Variants in TRERF1 observed in about 807,000 individuals in gnomAD.
The protein encoded by TRERF1 is transcriptional regulating factor 1, also known as transcriptional-regulating factor 1.
TRERF1 carries 27 observed loss-of-function variants against 122.9 expected under a neutral mutation model. That is an observed-to-expected ratio of 0.22 (90% confidence interval 0.16 to 0.30). The LOEUF (loss-of-function observed/expected upper bound fraction) is 0.30. TRERF1 is among the 10% of genes least tolerant of loss of function. TRERF1 has a pLI of 1.00. For synonymous variants in TRERF1, 636 were observed against 641.7 expected, an observed-to-expected ratio of 0.99 and a Z score of 0.13; for missense variants, 1,248 against 1,560.3, an observed-to-expected ratio of 0.80 and a Z score of 3.37.
At chr6:42,233,377 C>T (rs1417461109) in intron 16 of TRERF1, among the ~76,000 whole-genome samples, 1 of 151,444 alleles carries the variant, frequency 6.6e-6, no homozygotes, top group Non-Finnish European at 1.5e-5. Flanking sequence ...GCTCCGCCTC[C>T]CAGGTTCACA....
intron 2 of TRERF1, among the ~76,000 whole-genome samples, chr6:42,429,722 G>A (rs776577667): frequency 2.0e-5 from 3 of 152,140 alleles, no homozygotes; most frequent in Admixed American, 6.5e-5. Flanking sequence ...GCACTCTTCC[G>A]AGGGCTTCGG....
chr6:42,278,454 T>C (rs567089959), intron 4 of TRERF1, among the ~76,000 whole-genome samples: 1 of 152,268 alleles, frequency 6.6e-6, no homozygotes, highest in East Asian at 1.9e-4. Flanking sequence ...CAGCCTATGG[T>C]TCCAAGGAGA....
At chr6:42,307,846 C>T (rs1320372082) in intron 3 of TRERF1, among the ~76,000 whole-genome samples, 1 of 152,250 alleles carries the variant, frequency 6.6e-6, no homozygotes, top group African/African-American at 2.4e-5. Context: ...GAAAGAGGAG[C>T]TCTCATCAAA....
rs1491517636 is a variant in TRERF1 at position 42,360,770 on chromosome 6, T to TAAAAAAAAAA, written c.-371+2226_-371+2227insTTTTTTTTTT. 5.5e-4 allele frequency among the ~76,000 whole-genome samples: 35 copies of TAAAAAAAAAA among 64,098 alleles called. 1 individual carries two copies. Among genetic ancestry groups the TAAAAAAAAAA allele is most frequent in the African/African-American group, 1.5e-3 (32 of 21,632 alleles). The allele number at this position is 64,098 out of a possible 152,430, so 42.1% of individuals were successfully genotyped here. A position where few individuals can be genotyped will look rare whatever the true frequency, so the allele number is the denominator to read the frequency against. On this transcript the variant is annotated intron_variant, in intron 3 of 17. Coordinates refer to ENST00000372922, the Ensembl canonical transcript of TRERF1. ...ACCCAGGGAGGAAGGAGTGGAGAGA[T>TAAAAAAAAAA]TAAAAAAAAAAAAAAAAAAAAAAAA...
chr6:42,257,682 C>T (rs1025393649), intron 10 of TRERF1, among the ~76,000 whole-genome samples: 1 of 152,190 alleles, frequency 6.6e-6, no homozygotes, highest in Non-Finnish European at 1.5e-5. Context: ...CTTTTCTGTG[C>T]CTATCCATGA....
At chr6:42,283,863 G>T (rs1363746771) in intron 4 of TRERF1, among the ~76,000 whole-genome samples, 1 of 151,966 alleles carries the variant, frequency 6.6e-6, no homozygotes, top group African/African-American at 2.4e-5. Context: ...CAATCTGCCC[G>T]CCTCGACCTC....
intron 10 of TRERF1, 36 bp from the exon 11 acceptor site, chr6:42,257,138 T>C (rs1317514299): frequency 1.9e-6 from 3 of 1,610,810 alleles, no homozygotes; most frequent in Admixed American, 1.7e-5. Context: ...CAATGTGGTC[T>C]TCAATTTGAT....
rs1453506987 is a variant in TRERF1 at position 42,256,847 on chromosome 6, A to C, written c.2477-16T>G. The C allele has an allele frequency of 6.2e-7, 1 of 1,613,742 alleles. No individual in the cohort carries two copies. Among genetic ancestry groups the C allele is most frequent in the Non-Finnish European group, 8.5e-7 (1 of 1,179,702 alleles). ...AGATTCTCCACTGTTGGGAATAAGG[A>C]GAAGCCAATGCATCAGAGAGAGCTG... is the stretch of plus-strand genomic sequence containing the variant. On this transcript the variant is annotated splice_polypyrimidine_tract_variant and intron_variant, in intron 11 of 17. Coordinates refer to ENST00000372922, the Ensembl canonical transcript of TRERF1.
At chr6:42,291,907 G>C (rs1356695890) in intron 4 of TRERF1, among the ~76,000 whole-genome samples, 2 of 152,092 alleles carry the variant, frequency 1.3e-5, no homozygotes, top group Non-Finnish European at 2.9e-5. Flanking sequence ...TGGATTAGAT[G>C]ACAAATATTT....
intron 4 of TRERF1, among the ~76,000 whole-genome samples, chr6:42,281,601 C>T (rs1782312551): frequency 6.6e-6 from 1 of 152,176 alleles, no homozygotes; most frequent in Non-Finnish European, 1.5e-5. Flanking sequence ...AGTGAAGGAG[C>T]CAATCCCCTT....
rs1274970037 is a variant in TRERF1 at position 42,413,116 on chromosome 6, C to T, written c.-454+38061G>A. Among the ~76,000 whole-genome samples the T allele has an allele frequency of 1.3e-5, 2 of 152,172 alleles. 1 individual carries two copies. Among genetic ancestry groups the T allele is most frequent in the Non-Finnish European group, 2.9e-5 (2 of 68,038 alleles). ...CCTCTCGGACCATCTAGAAAGAATA[C>T]GGCCACTAATGAAGCCAAAAAAAGT... On this transcript the variant is annotated intron_variant, in intron 2 of 17. Transcript: ENST00000372922.
At chr6:42,304,719 C>G (rs1486573848) in intron 3 of TRERF1, among the ~76,000 whole-genome samples, 1 of 152,114 alleles carries the variant, frequency 6.6e-6, no homozygotes, top group Non-Finnish European at 1.5e-5. Flanking sequence ...CCTCCCAAGC[C>G]GAGACAATGA....
At chr6:42,414,291 T>C (rs552955637) in intron 2 of TRERF1, among the ~76,000 whole-genome samples, 1 of 152,312 alleles carries the variant, frequency 6.6e-6, no homozygotes, top group East Asian at 1.9e-4. Flanking sequence ...CACTTTTTTT[T>C]AATGCGCCAT....
At position 42,263,374 on chromosome 6, in the gene TRERF1, G is replaced by A; in HGVS notation, c.1830C>T (p.Pro610=). ...AGCTGGCTGGCTTGTCTCTGGCGGA[G>A]GGGGCGGCAACGGTGCTGTTGGTGA... Residue 610 remains proline, a synonymous_variant, in exon 8 of 18, where the codon CCC becomes CCT. Coordinates refer to ENST00000372922, the Ensembl canonical transcript of TRERF1. The surrounding 1 kb of genome is among the most constrained non-coding windows in gnomAD (Gnocchi z 5.6). 6.2e-7 allele frequency: 1 copy of A among 1,612,926 alleles called. No individual in the cohort carries two copies. The highest frequency in any genetic ancestry group is 1.1e-5 in the South Asian group (1 of 90,610).
chr6:42,383,597 GC>G (rs1271079220), intron 2 of TRERF1, among the ~76,000 whole-genome samples: 1 of 152,092 alleles, frequency 6.6e-6, no homozygotes, highest in Non-Finnish European at 1.5e-5. Flanking sequence ...CAAGCTTGGA[GC>G]CCCCAGCAGC....
At chr6:42,386,057 G>A (rs968445291) in intron 2 of TRERF1, among the ~76,000 whole-genome samples, 2 of 152,120 alleles carry the variant, frequency 1.3e-5, no homozygotes, top group African/African-American at 4.8e-5. Context: ...TTTTGGGATA[G>A]AAAAAAAGCA....
chr6:42,431,671 G>A (rs759019533), intron 2 of TRERF1, among the ~76,000 whole-genome samples: 18 of 152,246 alleles, frequency 1.2e-4, no homozygotes, highest in Middle Eastern at 3.4e-3. Flanking sequence ...AACACTAGCC[G>A]GTCAAGCCAG....
chr6:42,408,711 T>C (rs934641953), intron 2 of TRERF1, among the ~76,000 whole-genome samples: 2 of 152,232 alleles, frequency 1.3e-5, no homozygotes, highest in East Asian at 1.9e-4. Flanking sequence ...TTTTATCTTA[T>C]AGATTTTATT....
chr6:42,400,708 G>A (rs991508078), intron 2 of TRERF1, among the ~76,000 whole-genome samples: 2 of 152,170 alleles, frequency 1.3e-5, no homozygotes, highest in East Asian at 1.9e-4. Flanking sequence ...GAGGACTCAC[G>A]GAGAAGACAC....
Sources: allele counts gnomAD v4.1 joint callset (sites outside exome capture counted in the v4.1 genomes callset), GRCh38; gene constraint gnomAD v4.1.1; non-coding constraint Gnocchi (gnomAD v3.1); transcripts MANE v1.5; gene names NCBI Gene and HGNC (gene_info 2026-07-23, HGNC 2026-07-21).